Variants in ROBO1 observed in about 807,000 individuals in gnomAD.
ROBO1 encodes roundabout homolog 1.
ROBO1 carries 149 observed loss-of-function variants against 195.9 expected under a neutral mutation model. The ratio of observed to expected loss-of-function variants is 0.76; its 90% confidence interval spans 0.67 to 0.87. The LOEUF (loss-of-function observed/expected upper bound fraction) is 0.87, where lower values mean the gene tolerates loss of function less well. Ranked by LOEUF, ROBO1 falls within the 40% of genes least tolerant of loss-of-function variation. ROBO1 has a pLI of 0.00. For synonymous variants in ROBO1, 816 were observed against 733.2 expected (o/e 1.11, Z -1.82); for missense variants, 1,933 against 2,068.3 (o/e 0.93, Z 1.27).
chr3:78,983,887 T>G (rs1411228818), intron 3 of ROBO1, among the ~76,000 whole-genome samples: 1 of 152,076 alleles, frequency 6.6e-6, no homozygotes. Flanking sequence ...GCAAGCTTCT[T>G]AAGAAGAAAA....
At chr3:78,813,135 T>C (rs2084793188) in intron 4 of ROBO1, among the ~76,000 whole-genome samples, 1 of 152,092 alleles carries the variant, frequency 6.6e-6, no homozygotes, top group Non-Finnish European at 1.5e-5. Context: ...AATTGCCATA[T>C]GATCTAATCT....
intron 3 of ROBO1, among the ~76,000 whole-genome samples, chr3:79,124,416 G>C (rs1353127890): frequency 6.6e-6 from 1 of 152,144 alleles, no homozygotes; most frequent in East Asian, 1.9e-4. Flanking sequence ...TGATATTTAT[G>C]AAGACTGTGA....
At chr3:78,678,082 C>T (rs1708550852) in intron 10 of ROBO1, among the ~76,000 whole-genome samples, 2 of 152,112 alleles carry the variant, frequency 1.3e-5, no homozygotes, top group Admixed American at 6.5e-5. Flanking sequence ...CTACTGGGTG[C>T]ATAACGAAAT....
At chr3:78,988,517 C>T (rs532161119) in intron 3 of ROBO1, among the ~76,000 whole-genome samples, 62 of 152,218 alleles carry the variant, frequency 4.1e-4, no homozygotes, top group African/African-American at 1.3e-3. Context: ...CCTTTTATCC[C>T]CACCTGCTGG....
chr3:78,600,286 G>A lies in ROBO1; in HGVS notation c.4768C>T (p.Pro1590Ser). 6.2e-7 allele frequency: 1 copy of A among 1,611,052 alleles called. No individual in the cohort carries two copies. Among genetic ancestry groups the A allele is most frequent in the Non-Finnish European group, 8.5e-7 (1 of 1,177,442 alleles). Reference protein sequence around the residue: ...IQEDILPYCRPTFPTSNNPRD... With the variant: ...IQEDILPYCRSTFPTSNNPRD... ...GGATTATTTGATGTTGGAAAAGTAG[G>A]TCTACAATAAGGTAGAATATCCTCT... The change falls in exon 30 of 31, where the codon CCT (proline) becomes TCT (serine). Residue 1590 changes from proline (P) to serine (S), a missense_variant. Physicochemically the swap from Pro to Ser is moderately conservative, Grantham distance 74. This residue lies in a region of ROBO1 where 1,737 missense variants were observed against 1,882.5 expected (regional missense o/e 0.92). Transcript: ENST00000464233.
intron 1 of ROBO1, among the ~76,000 whole-genome samples, chr3:79,594,768 T>C (rs372162965): frequency 6.6e-6 from 1 of 152,010 alleles, no homozygotes; most frequent in East Asian, 1.9e-4. Flanking sequence ...TTTCCTGATA[T>C]CTGCTAATAT....
chr3:79,656,196 C>T (rs1487852632), intron 1 of ROBO1, among the ~76,000 whole-genome samples: 1 of 150,594 alleles, frequency 6.6e-6, no homozygotes, highest in Non-Finnish European at 1.5e-5. Context: ...AAGAATTTCT[C>T]TTAGGTCAAC....
rs188628841 is a variant in ROBO1, at chr3:78,678,102, C to A, written c.1342+7644G>T. ...GGGTGCATAACGAAATGAAGGCAGA[C>A]ATAAAGATGTTCTTTGAAACCAATG... On this transcript the variant is annotated intron_variant, in intron 10 of 30. Transcript: ENST00000464233. Among the ~76,000 whole-genome samples the A allele has an allele frequency of 6.9e-3, 1,021 of 148,312 alleles. 7 individuals are homozygous for A. The highest frequency in any genetic ancestry group is 0.023 in the African/African-American group (930 of 40,322).
chr3:79,589,893 G>T lies in ROBO1; in HGVS notation c.19C>A (p.Pro7Thr). The T allele has an allele frequency of 6.2e-7, 1 of 1,610,584 alleles. No homozygotes were observed. The highest frequency in any genetic ancestry group is 8.5e-7 in the Non-Finnish European group (1 of 1,177,610). The part of the protein sequence containing the change: MKWKHV[P>T]FLVMISLLSL... Reference sequence around the variant, plus strand: ...AGGAGTGATATCATGACCAAAAAAGGAACATGTTTCCATTTCATCTTTGTC... The same window carrying T: ...AGGAGTGATATCATGACCAAAAAAGTAACATGTTTCCATTTCATCTTTGTC... The change falls in exon 2 of 31, where the codon CCT becomes ACT. Residue 7 changes from proline to threonine, a missense_variant. Physicochemically the swap from Pro to Thr is conservative, Grantham distance 38. Transcript: ENST00000464233.
rs1037661370 is a variant in ROBO1, at chr3:79,713,142, A to T, written c.-51+54610T>A. 3.3e-5 allele frequency among the ~76,000 whole-genome samples: 5 copies of T among 151,386 alleles called. No individual in the cohort carries two copies. The Admixed American group carries it at 3.3e-4, about 10-fold the overall frequency. On this transcript the variant is annotated intron_variant, in intron 1 of 30. Transcript: ENST00000464233. ...TGCTTGGAAAGAAAAGATCCTTTTC[A>T]AAATACTGCTCATTACAATGCACCT...
At chr3:79,016,045 G>A (rs995628439) in intron 3 of ROBO1, among the ~76,000 whole-genome samples, 1 of 152,200 alleles carries the variant, frequency 6.6e-6, no homozygotes, top group Non-Finnish European at 1.5e-5. Context: ...CCATTAACAA[G>A]TGATAGACTG....
intron 2 of ROBO1, among the ~76,000 whole-genome samples, chr3:79,155,415 A>C (rs2080841484): frequency 6.6e-6 from 1 of 151,822 alleles, no homozygotes; most frequent in African/African-American, 2.4e-5. Flanking sequence ...AAGCACATTA[A>C]TATCTACAAA....
chr3:78,773,469 A>G (rs557212915), intron 4 of ROBO1, among the ~76,000 whole-genome samples: 1 of 152,284 alleles, frequency 6.6e-6, no homozygotes, highest in African/African-American at 2.4e-5. Flanking sequence ...TGTATTTTAA[A>G]ATGATTAAAC....
chr3:79,690,143 C>T (rs1002622948), intron 1 of ROBO1, among the ~76,000 whole-genome samples: 2 of 152,026 alleles, frequency 1.3e-5, no homozygotes, highest in East Asian at 3.9e-4. Flanking sequence ...ACCGCTCCCC[C>T]CACCCCAAAA....
chr3:79,058,036 G>T (rs2078844965), intron 3 of ROBO1, among the ~76,000 whole-genome samples: 1 of 151,972 alleles, frequency 6.6e-6, no homozygotes, highest in Admixed American at 6.6e-5. Flanking sequence ...GGGACATTTG[G>T]TCTCCAGCAT....
intron 2 of ROBO1, among the ~76,000 whole-genome samples, chr3:79,533,734 T>C (rs1229124222): frequency 6.6e-6 from 1 of 152,184 alleles, no homozygotes; most frequent in Non-Finnish European, 1.5e-5. Flanking sequence ...CAAGCTCTTT[T>C]GAAATGCAGA....
chr3:79,480,497 G>T (rs1034688597), intron 2 of ROBO1, among the ~76,000 whole-genome samples: 4 of 152,000 alleles, frequency 2.6e-5, no homozygotes, highest in Non-Finnish European at 4.4e-5. Flanking sequence ...AGATGGGCTA[G>T]GTAAATTTTT....
chr3:79,549,961 TA>T (rs78529584), intron 2 of ROBO1, among the ~76,000 whole-genome samples: 11,034 of 151,000 alleles, frequency 0.073, 441 homozygotes, highest in East Asian at 0.15. Context: ...ATCATCTCTA[TA>T]AAAAAATTAA....
At chr3:79,464,816 G>A (rs1416256668) in intron 2 of ROBO1, among the ~76,000 whole-genome samples, 3 of 152,070 alleles carry the variant, frequency 2.0e-5, no homozygotes, top group African/African-American at 7.2e-5. Context: ...AATACTCTCT[G>A]TGAAAAATTT....
Sources: allele counts gnomAD v4.1 joint callset (sites outside exome capture counted in the v4.1 genomes callset), GRCh38; gene constraint gnomAD v4.1.1; regional missense constraint gnomAD v4.1.1; transcripts MANE v1.5; gene names NCBI Gene and HGNC (gene_info 2026-07-23, HGNC 2026-07-21).